Variants in FARS2 observed in about 807,000 individuals in gnomAD.
FARS2 encodes phenylalanyl-tRNA synthetase 2, mitochondrial, also known as phenylalanine--tRNA ligase, mitochondrial.
In FARS2, 40 loss-of-function variants were observed where a neutral mutation model predicts 46.4. The ratio of observed to expected loss-of-function variants is 0.86; its 90% CI spans 0.67 to 1.12. FARS2 has a LOEUF of 1.12. FARS2 is among the 50% of genes most tolerant of loss of function. FARS2 has a pLI of 0.00. For missense variants in FARS2, 513 were observed against 567.9 expected, an observed-to-expected ratio of 0.90 and a Z score of 0.98; for synonymous variants, 234 against 214.9, an observed-to-expected ratio of 1.09 and a Z score of -0.78.
At chr6:5,677,960 A>G (rs993552355) in intron 6 of FARS2, among the ~76,000 whole-genome samples, 9 of 152,172 alleles carry the variant, frequency 5.9e-5, no homozygotes, top group Admixed American at 4.6e-4. Context: ...TTCGAATGGC[A>G]TCTTTGAAAA....
intron 1 of FARS2, among the ~76,000 whole-genome samples, chr6:5,324,279 G>T (rs1490211297): frequency 6.6e-6 from 1 of 152,104 alleles, no homozygotes; most frequent in Non-Finnish European, 1.5e-5. Flanking sequence ...TCATGCATAT[G>T]CATTTCACCT....
chr6:5,684,357 A>G (rs544133364), intron 6 of FARS2, among the ~76,000 whole-genome samples: 1 of 152,260 alleles, frequency 6.6e-6, no homozygotes, highest in African/African-American at 2.4e-5. Context: ...ATGCAAAACT[A>G]CAGCTGAGAA....
At chr6:5,415,815 G>A (rs2432766) in intron 3 of FARS2, among the ~76,000 whole-genome samples, 78,323 of 151,868 alleles carry the variant, frequency 0.52, 20,392 homozygotes, top group South Asian at 0.58. Flanking sequence ...CAAGCGATGC[G>A]CCCACTTCAG....
At chr6:5,307,573 G>A (rs1057244587) in intron 1 of FARS2, among the ~76,000 whole-genome samples, 1 of 152,122 alleles carries the variant, frequency 6.6e-6, no homozygotes, top group African/African-American at 2.4e-5. Context: ...AATCTCAAAT[G>A]TACAAAACTA....
chr6:5,601,307 A>G (rs142824006), intron 5 of FARS2, among the ~76,000 whole-genome samples: 1 of 152,054 alleles, frequency 6.6e-6, no homozygotes, highest in Non-Finnish European at 1.5e-5. Flanking sequence ...GGATCACCCA[A>G]GGTCGGGAGT....
At chr6:5,557,187 T>C (rs1416902377) in intron 5 of FARS2, among the ~76,000 whole-genome samples, 2 of 152,114 alleles carry the variant, frequency 1.3e-5, no homozygotes, top group African/African-American at 2.4e-5. Flanking sequence ...GAAGTAATTG[T>C]TACAGGGTGG....
chr6:5,379,238 A>G lies in FARS2; in HGVS notation c.612+10056A>G, dbSNP rs775072337. On this transcript the variant is annotated intron_variant, in intron 2 of 6. Transcript: ENST00000274680. ...ATGTCTCCCTCTTTCTGGGCTGTCA[A>G]CTTTCACTGAAAAAAATGACAGCTA... Among the ~76,000 whole-genome samples, 28 of 152,160 alleles carry G rather than the reference A, an allele frequency of 1.8e-4. 1 individual carries two copies. The highest frequency in any genetic ancestry group is 2.8e-4 in the Non-Finnish European group (19 of 68,026).
intron 6 of FARS2, among the ~76,000 whole-genome samples, chr6:5,616,040 GAAAC>G (rs1410933720): frequency 4.3e-5 from 5 of 115,604 alleles, no homozygotes; most frequent in Non-Finnish European, 9.0e-5. Flanking sequence ...AAAAAACAAC[GAAAC>G]AAACAAACAA....
intron 6 of FARS2, among the ~76,000 whole-genome samples, chr6:5,701,572 C>G (rs767615150): frequency 9.9e-5 from 15 of 152,228 alleles, no homozygotes; most frequent in African/African-American, 9.6e-5. Flanking sequence ...ATACCAGGTT[C>G]TCTCTCACAA....
chr6:5,451,321 G>A (rs1449265108), intron 4 of FARS2, among the ~76,000 whole-genome samples: 5 of 151,932 alleles, frequency 3.3e-5, no homozygotes, highest in African/African-American at 1.2e-4. Context: ...AGCCTTACTT[G>A]CAATCTGTAT....
At chr6:5,623,960 G>T (rs1348852627) in intron 6 of FARS2, among the ~76,000 whole-genome samples, 1 of 152,184 alleles carries the variant, frequency 6.6e-6, no homozygotes, top group Non-Finnish European at 1.5e-5. Flanking sequence ...AGCTAATCTT[G>T]AGAGAGCCAT....
intron 6 of FARS2, among the ~76,000 whole-genome samples, chr6:5,646,719 C>T (rs553844303): frequency 6.6e-6 from 1 of 152,122 alleles, no homozygotes; most frequent in Admixed American, 6.5e-5. Context: ...TAAGTCATCT[C>T]GGGATTATTT....
chr6:5,551,809 T>C (rs1330259358), intron 5 of FARS2, among the ~76,000 whole-genome samples: 5 of 152,296 alleles, frequency 3.3e-5, no homozygotes, highest in Admixed American at 2.6e-4. Context: ...CAGCATCACG[T>C]TGCCTTCCCC....
chr6:5,699,050 G>A (rs1460963760), intron 6 of FARS2, among the ~76,000 whole-genome samples: 1 of 152,192 alleles, frequency 6.6e-6, no homozygotes, highest in Non-Finnish European at 1.5e-5. Context: ...GCTGGGAAGG[G>A]CTGTATATCA....
At chr6:5,337,018 A>C (rs1161058310) in intron 1 of FARS2, among the ~76,000 whole-genome samples, 1 of 151,628 alleles carries the variant, frequency 6.6e-6, no homozygotes, top group African/African-American at 2.4e-5. Context: ...ACAGGTAACA[A>C]AACTCTGTAT....
chr6:5,327,519 T>C (rs1038148263), intron 1 of FARS2, among the ~76,000 whole-genome samples: 1 of 152,150 alleles, frequency 6.6e-6, no homozygotes, highest in African/African-American at 2.4e-5. Context: ...ATCTGATGGT[T>C]TTATAAAAGG....
chr6:5,718,102 T>C (rs1759646125), intron 6 of FARS2, among the ~76,000 whole-genome samples: 1 of 152,002 alleles, frequency 6.6e-6, no homozygotes, highest in Admixed American at 6.6e-5. Context: ...TTGGTAGAGA[T>C]GAAGTTTCAC....
chr6:5,450,088 G>C (rs1191612054), intron 4 of FARS2, among the ~76,000 whole-genome samples: 1 of 152,218 alleles, frequency 6.6e-6, no homozygotes, highest in Non-Finnish European at 1.5e-5. Context: ...CCGTGTAGAA[G>C]TGAACCTGTG....
intron 6 of FARS2, among the ~76,000 whole-genome samples, chr6:5,719,920 G>A (rs1582827299): frequency 6.6e-6 from 1 of 152,220 alleles, no homozygotes; most frequent in South Asian, 2.1e-4. Context: ...AACCTGTTGT[G>A]GACTCTCTAT....
Sources: gnomAD v4.1 joint callset for allele counts (sites outside exome capture counted in the v4.1 genomes callset) on GRCh38, gnomAD v4.1.1 for gene constraint, MANE v1.5 for transcripts, NCBI Gene and HGNC (gene_info 2026-07-23, HGNC 2026-07-21) for gene names.